The following ANKFY1 variants were observed in gnomAD, a reference collection of about 807,000 sequenced individuals.
The protein encoded by ANKFY1 is ankyrin repeat and FYVE domain containing 1.
A neutral mutation model predicts 128.3 loss-of-function variants in ANKFY1; 47 were observed. That is an observed-to-expected ratio of 0.37 (90% confidence interval 0.29 to 0.47). The LOEUF (loss-of-function observed/expected upper bound fraction) is 0.47. Among genes scored for constraint, ANKFY1 ranks in the 20% least tolerant of loss-of-function variants. The pLI is 1.00. For missense variants in ANKFY1, 1,222 were observed against 1,510.6 expected, an observed-to-expected ratio of 0.81 and a Z score of 3.17; for synonymous variants, 553 against 601.6, an observed-to-expected ratio of 0.92 and a Z score of 1.18.
chr17:4,182,043 T>C (rs2059525403), intron 15 of ANKFY1, 138 bp downstream of exon 15: 1 of 900,288 alleles, frequency 1.1e-6, no homozygotes, highest in African/African-American at 1.7e-5. Flanking sequence ...TTCTTTAACA[T>C]GCTTTCAACT....
At chr17:4,172,905 G>C (rs2059347046) in intron 21 of ANKFY1, among the ~76,000 whole-genome samples, 1 of 152,218 alleles carries the variant, frequency 6.6e-6, no homozygotes, top group East Asian at 1.9e-4. Flanking sequence ...TGTCACCCAG[G>C]CTGGAGTGCA....
Position 4,206,318 on chromosome 17 carries a change from T to C in ANKFY1, c.898+3A>G, listed in dbSNP as rs1167532780. Reference sequence around the variant, plus strand: ...GCAGGGAAACATACACACTTCTTCCTACCTCTTTGGATTCCTTTGTGTAAC... The same window carrying C: ...GCAGGGAAACATACACACTTCTTCCCACCTCTTTGGATTCCTTTGTGTAAC... On this transcript the variant is annotated splice_donor_region_variant and intron_variant, in intron 7 of 24. Transcript: ENST00000341657. 3 of 1,611,070 alleles carry C rather than the reference T, an allele frequency of 1.9e-6. No homozygotes were observed. The highest frequency in any genetic ancestry group is 1.1e-5 in the South Asian group (1 of 90,994).
At chr17:4,217,789 G>T (rs929019292) in intron 3 of ANKFY1, among the ~76,000 whole-genome samples, 8 of 152,046 alleles carry the variant, frequency 5.3e-5, no homozygotes, top group Non-Finnish European at 1.2e-4. Flanking sequence ...GGGCTCAAGT[G>T]GTCCTTACAC....
At chr17:4,243,788 G>T (rs374245229) in intron 1 of ANKFY1, among the ~76,000 whole-genome samples, 1 of 152,158 alleles carries the variant, frequency 6.6e-6, no homozygotes, top group Non-Finnish European at 1.5e-5. Flanking sequence ...CAGGTTAAAA[G>T]GTTGAGAACC....
chr17:4,172,320 T>C (rs992039256), intron 22 of ANKFY1, among the ~76,000 whole-genome samples: 1 of 152,120 alleles, frequency 6.6e-6, no homozygotes, highest in African/African-American at 2.4e-5. Context: ...TGGAGAGGCC[T>C]GTTTGGAGAA....
chr17:4,190,526 T>C (rs952039066), intron 10 of ANKFY1, among the ~76,000 whole-genome samples: 1 of 152,350 alleles, frequency 6.6e-6, no homozygotes, highest in Admixed American at 6.5e-5. Flanking sequence ...TGAAAACCAC[T>C]TGGCTGGATG....
At chr17:4,174,205 C>T (rs1256091454) in intron 19 of ANKFY1, 149 bp from the exon 20 acceptor site, 1 of 883,944 alleles carries the variant, frequency 1.1e-6, no homozygotes, top group African/African-American at 1.7e-5. Context: ...TTCACACACA[C>T]TCCTGCTGAA....
chr17:4,222,102 C>G (rs1438115309), intron 3 of ANKFY1: 1 of 150,608 alleles, frequency 6.6e-6, no homozygotes, highest in African/African-American at 2.4e-5. Flanking sequence ...CAGGGGTAGG[C>G]GGCGGTGCGG....
rs769292178 is a variant in ANKFY1 at position 4,194,987 on chromosome 17, T to A, written c.1363A>T (p.Thr455Ser). Residue 455 changes from threonine to serine, a missense_variant, in exon 10 of 25, where the codon ACG becomes TCG. Physicochemically the swap from Thr to Ser is moderately conservative, Grantham distance 58. Coordinates refer to ENST00000341657, the MANE Select transcript of ANKFY1 (RefSeq NM_001330063.2). Reference protein sequence around the residue: ...QRGSHTDAPDTATGNCLLQRA... With the variant: ...QRGSHTDAPDSATGNCLLQRA... ...GAGGCACGTGCTTTACCTGTCGCCG[T>A]GTCAGGTGCGTCTGTGTGGCTGCCG... The A allele has an allele frequency of 1.2e-6, 2 of 1,614,106 alleles. No homozygotes were observed. The highest frequency in any genetic ancestry group is 1.3e-5 in the African/African-American group (1 of 74,938).
At chr17:4,220,531 G>A (rs1378515881) in intron 3 of ANKFY1, among the ~76,000 whole-genome samples, 1 of 152,114 alleles carries the variant, frequency 6.6e-6, no homozygotes, top group Non-Finnish European at 1.5e-5. Context: ...ACCTGTACAA[G>A]TAATAAACAA....
intron 1 of ANKFY1, among the ~76,000 whole-genome samples, chr17:4,250,819 G>A (rs1967789040): frequency 6.6e-6 from 1 of 152,134 alleles, no homozygotes; most frequent in South Asian, 2.1e-4. Context: ...TTTTTTTGTA[G>A]AGACAGGGTC....
intron 2 of ANKFY1, among the ~76,000 whole-genome samples, chr17:4,237,779 A>G (rs1301176554): frequency 6.6e-6 from 1 of 152,184 alleles, no homozygotes; most frequent in East Asian, 1.9e-4. Context: ...GTCCATGAGG[A>G]TTCTATGTTG....
chr17:4,179,421 C>T (rs2059469225), intron 17 of ANKFY1: 1 of 520,088 alleles, frequency 1.9e-6, no homozygotes, highest in Admixed American at 3.4e-5. Context: ...AAGTGAGCTA[C>T]TGGGACATTT....
chr17:4,192,518 G>A (rs1452781009), intron 10 of ANKFY1, among the ~76,000 whole-genome samples: 1 of 151,232 alleles, frequency 6.6e-6, no homozygotes, highest in African/African-American at 2.4e-5. Flanking sequence ...GGTTAATCTG[G>A]AGACTCTTAG....
intron 19 of ANKFY1, among the ~76,000 whole-genome samples, chr17:4,176,302 G>T (rs528142212): frequency 6.6e-6 from 1 of 152,338 alleles, no homozygotes; most frequent in South Asian, 2.1e-4. Context: ...AGGCTGCTCA[G>T]GTGCCTTAGC....
intron 2 of ANKFY1, 125 bp downstream of exon 2, chr17:4,242,131 A>T: frequency 1.1e-6 from 1 of 923,542 alleles, no homozygotes; most frequent in Non-Finnish European, 1.5e-6. Context: ...CTTCTATTCT[A>T]GGGAATCGAT....
chr17:4,201,927 T>C (rs1409883981), intron 7 of ANKFY1, among the ~76,000 whole-genome samples: 3 of 152,170 alleles, frequency 2.0e-5, no homozygotes, highest in East Asian at 1.9e-4. Context: ...AAGACAACAA[T>C]ATATTAGCAA....
At chr17:4,222,051 TGGGCAGCCGCCCTA>T (rs1053354306) in intron 3 of ANKFY1, 17 of 151,966 alleles carry the variant, frequency 1.1e-4, no homozygotes, top group African/African-American at 4.1e-4. Flanking sequence ...CTTGATGAAT[TGGGCAGCCGCCCTA>T]GGCTCAGGGC....
intron 14 of ANKFY1, 40 bp downstream of exon 14, chr17:4,183,358 T>G: frequency 1.3e-6 from 2 of 1,596,206 alleles, no homozygotes; most frequent in Non-Finnish European, 1.7e-6. Context: ...CTCAATTAAT[T>G]GTTACCTGGT....
Sources: gnomAD v4.1 joint callset for allele counts (sites outside exome capture counted in the v4.1 genomes callset) on GRCh38, gnomAD v4.1.1 for gene constraint, MANE v1.5 for transcripts, NCBI Gene and HGNC (gene_info 2026-07-23, HGNC 2026-07-21) for gene names.